The following FBXO32 variants were observed in gnomAD, a reference collection of about 807,000 sequenced individuals.
The protein encoded by FBXO32 is F-box protein 32.
FBXO32 carries 15 observed loss-of-function variants against 48.3 expected under a neutral mutation model. The ratio of observed to expected loss-of-function variants is 0.31; its 90% CI spans 0.21 to 0.48. FBXO32 has a LOEUF of 0.48. Ranked by LOEUF, FBXO32 falls within the 20% of genes least tolerant of loss-of-function variation. The pLI is 0.99. For missense variants in FBXO32, 309 were observed against 432.7 expected, an observed-to-expected ratio of 0.71 and a Z score of 2.54; for synonymous variants, 154 against 165.9, an observed-to-expected ratio of 0.93 and a Z score of 0.55.
rs1284326551 is a variant in FBXO32, at chr8:123,501,962, A to G, written c.*1411T>C. 1 of 152,248 alleles carries G rather than the reference A, an allele frequency of 6.6e-6. No individual in the cohort carries two copies. Among genetic ancestry groups the G allele is most frequent in the African/African-American group, 2.4e-5 (1 of 41,462 alleles). The allele number at this position is 152,248 out of a possible 1,614,324, so 9.4% of individuals were successfully genotyped here. Reference sequence around the variant, plus strand: ...CATCTATTCCCAGGAATATTTTACAACGAACTCATTAGGTCCTGAGATTTC... The same window carrying G: ...CATCTATTCCCAGGAATATTTTACAGCGAACTCATTAGGTCCTGAGATTTC... On this transcript the variant is annotated 3_prime_UTR_variant, in exon 9 of 9. Transcript: ENST00000517956.
In FBXO32 at chr8:123,503,417, C is replaced by T. The variant is rs370398489; in HGVS notation, c.1024G>A (p.Val342Ile). The change falls in exon 9 of 9, where the codon GTT (valine) becomes ATT (isoleucine). Residue 342 changes from valine to isoleucine, a missense_variant. Val to Ile is a conservative substitution (Grantham distance 29). Transcript: ENST00000517956. Reference sequence around the variant, plus strand: ...ATAAAGTCCTGGGGTGAAAGTGAAACGGAGCAGCTCTCTGGGTTATTGGCA... The same window carrying T: ...ATAAAGTCCTGGGGTGAAAGTGAAATGGAGCAGCTCTCTGGGTTATTGGCA... ...CTANNPESCS[V>I]SLSPQDFINL... 4.2e-5 allele frequency: 68 copies of T among 1,614,024 alleles called. No individual in the cohort carries two copies. In the Middle Eastern group the frequency reaches 4.9e-4, roughly 12 times the overall value.
intron 4 of FBXO32, 103 bp from the exon 5 acceptor site, chr8:123,514,436 G>C (rs1179502948): frequency 1.3e-6 from 1 of 756,582 alleles, no homozygotes; most frequent in Non-Finnish European, 2.0e-6. Flanking sequence ...GACTGACGGG[G>C]AGAGATAAAT....
At position 123,506,401 on chromosome 8, in the gene FBXO32, G is replaced by A. The variant is rs762433023; in HGVS notation, c.825C>T (p.Ser275=). The A allele has an allele frequency of 8.1e-6, 13 of 1,613,654 alleles. No individual in the cohort carries two copies. The highest frequency in any genetic ancestry group is 5.3e-5 in the African/African-American group (4 of 74,918). Residue 275 remains serine, a synonymous_variant, in exon 7 of 9, where the codon TCC becomes TCT. Transcript: ENST00000517956. This position sits in a 1 kb window ranked among gnomAD's most constrained non-coding sequence, Gnocchi z 4.0. ...LWKKLCQYHF[S]ERQIRKRLIL... is the part of the protein sequence containing the mutation. Reference sequence around the variant, plus strand: ...ACTGGGCCTTGCTGACCTGCCGCTCGGAGAAGTGGTACTGGCAGAGTTTCT... The same window carrying A: ...ACTGGGCCTTGCTGACCTGCCGCTCAGAGAAGTGGTACTGGCAGAGTTTCT...
At chr8:123,526,271 G>C (rs1817074208) in intron 4 of FBXO32, among the ~76,000 whole-genome samples, 1 of 151,858 alleles carries the variant, frequency 6.6e-6, no homozygotes, top group African/African-American at 2.4e-5. Flanking sequence ...TGTCACCCAG[G>C]CTGGAGTGCA....
rs1008425331 is a variant in FBXO32 at position 123,513,133 on chromosome 8, C to T, written c.651+65G>A. On this transcript the variant is annotated intron_variant, in intron 6 of 8. Coordinates refer to ENST00000517956, the MANE Select transcript of FBXO32 (RefSeq NM_058229.4). The surrounding 1 kb of genome is among the most constrained non-coding windows in gnomAD (Gnocchi z 4.3). ...CACAGGAGTGAATTCAAAGTCTTGG[C>T]GAGTCTGTCCAGTATCCCTGTGGAG... The T allele has an allele frequency of 6.6e-6, 10 of 1,521,788 alleles. No homozygotes were observed. Among genetic ancestry groups the T allele is most frequent in the Non-Finnish European group, 9.1e-6 (10 of 1,102,480 alleles). 94.3% of individuals were successfully genotyped at this position (1,521,788 alleles called of 1,614,324 possible).
In FBXO32 at chr8:123,532,000, A is replaced by C. The variant is rs193126181; in HGVS notation, c.280-10T>G. Reference sequence around the variant, plus strand: ...TGCAATATCCATGGCGCTGAACATGAAAACAAAGGCACAGAAGTTACTCCT... The same window carrying C: ...TGCAATATCCATGGCGCTGAACATGCAAACAAAGGCACAGAAGTTACTCCT... On this transcript the variant is annotated splice_polypyrimidine_tract_variant and intron_variant, in intron 3 of 8. Coordinates refer to ENST00000517956, the MANE Select transcript of FBXO32 (RefSeq NM_058229.4). 3.8e-4 allele frequency: 615 copies of C among 1,613,944 alleles called. 2 individuals carry two copies. The highest frequency in any genetic ancestry group is 2.0e-3 in the Middle Eastern group (12 of 6,058).
intron 8 of FBXO32, 52 bp downstream of exon 8, chr8:123,504,552 G>C (rs1816571603): frequency 1.3e-6 from 2 of 1,536,326 alleles, no homozygotes; most frequent in African/African-American, 2.8e-5. Context: ...GGCACTCTTG[G>C]CTCTTAGGGG....
At chr8:123,526,653 C>T (rs539088318) in intron 4 of FBXO32, among the ~76,000 whole-genome samples, 4 of 152,182 alleles carry the variant, frequency 2.6e-5, no homozygotes, top group Non-Finnish European at 4.4e-5. Flanking sequence ...TACTCCTACT[C>T]AAGACCAGTT....
intron 7 of FBXO32, among the ~76,000 whole-genome samples, chr8:123,505,241 G>GT (rs939693294): frequency 6.6e-6 from 1 of 152,204 alleles, no homozygotes; most frequent in African/African-American, 2.4e-5. Context: ...GCAGCATGAT[G>GT]AAGGGAAACA....
chr8:123,541,123 G>T lies in FBXO32; in HGVS notation c.-109C>A. The T allele has an allele frequency of 1.8e-6, 1 of 554,974 alleles. No individual in the cohort carries two copies. Among genetic ancestry groups the T allele is most frequent in the Non-Finnish European group, 2.8e-6 (1 of 358,492 alleles). The allele number at this position is 554,974 out of a possible 1,614,324, so 34.4% of individuals were successfully genotyped here. ...GGTGCAGGGGCCCGCGACGGGGGCG[G>T]CGGGGCGGCGGGAACGGCGCGGGGC... is the stretch of plus-strand genomic sequence containing the variant. On this transcript the variant is annotated 5_prime_UTR_variant, in exon 1 of 9. Coordinates refer to ENST00000517956, the MANE Select transcript of FBXO32 (RefSeq NM_058229.4).
Position 123,513,483 on chromosome 8 carries a change from G to T in FBXO32, c.467-101C>A, listed in dbSNP as rs183614038. On this transcript the variant is annotated intron_variant, in intron 5 of 8. Transcript: ENST00000517956. The surrounding 1 kb of genome is among the most constrained non-coding windows in gnomAD (Gnocchi z 4.3). ...GTCTGTATTCCACTCATGTTACCCA[G>T]GCACTGCCTCTGGGGATATGGTTTT... is the stretch of plus-strand genomic sequence containing the variant. 1.1e-5 allele frequency: 11 copies of T among 1,003,918 alleles called. No individual in the cohort carries two copies. In the African/African-American group the frequency reaches 1.8e-4, roughly 16 times the overall value. 62.2% of individuals were successfully genotyped at this position (1,003,918 alleles called of 1,614,324 possible). A position where few individuals can be genotyped will look rare whatever the true frequency, so the allele number is the denominator to read the frequency against.
At chr8:123,538,257 TG>T (rs1817347381) in intron 1 of FBXO32, among the ~76,000 whole-genome samples, 2 of 151,842 alleles carry the variant, frequency 1.3e-5, no homozygotes, top group Non-Finnish European at 1.5e-5. Flanking sequence ...GTGTGCTGTG[TG>T]GACAAGACTT....
At chr8:123,515,498 C>T (rs1816822486) in intron 4 of FBXO32, among the ~76,000 whole-genome samples, 2 of 151,644 alleles carry the variant, frequency 1.3e-5, no homozygotes, top group South Asian at 2.1e-4. Context: ...ATCCACCTGC[C>T]TTGGCTTCCC....
chr8:123,517,152 C>T (rs574280080), intron 4 of FBXO32, among the ~76,000 whole-genome samples: 26 of 152,300 alleles, frequency 1.7e-4, no homozygotes, highest in Middle Eastern at 6.8e-3. Context: ...TGCACTGTGA[C>T]TCATCACTGG....
At chr8:123,533,355 C>A in intron 2 of FBXO32, 115 bp from the exon 3 acceptor site, 1 of 791,890 alleles carries the variant, frequency 1.3e-6, no homozygotes. Flanking sequence ...GATAAGGAGT[C>A]TACTGACAAC....
In FBXO32 at chr8:123,501,582, G is replaced by A. The variant is rs1485139819; in HGVS notation, c.*1791C>T. 2 of 152,270 alleles carry A rather than the reference G, an allele frequency of 1.3e-5. No individual in the cohort carries two copies. Among genetic ancestry groups the A allele is most frequent in the East Asian group, 3.9e-4 (2 of 5,182 alleles). The allele number at this position is 152,270 out of a possible 1,614,324, so 9.4% of individuals were successfully genotyped here. A position where few individuals can be genotyped will look rare whatever the true frequency, so the allele number is the denominator to read the frequency against. ...CGTAGCACAAACATTGCAAAGTGAG[G>A]AGCACTAAACAGTAGGTTCCTTCTC... On this transcript the variant is annotated 3_prime_UTR_variant, in exon 9 of 9. Coordinates refer to ENST00000517956, the MANE Select transcript of FBXO32 (RefSeq NM_058229.4).
chr8:123,533,759 G>A (rs554238940), intron 2 of FBXO32, among the ~76,000 whole-genome samples: 2 of 152,280 alleles, frequency 1.3e-5, no homozygotes, highest in African/African-American at 4.8e-5. Flanking sequence ...AGTGAGCCAA[G>A]ATTGTGCCAC....
chr8:123,536,350 C>G (rs1452101897), intron 1 of FBXO32, among the ~76,000 whole-genome samples: 1 of 152,086 alleles, frequency 6.6e-6, no homozygotes, highest in Non-Finnish European at 1.5e-5. Flanking sequence ...GTATTTTGGG[C>G]CAGGCTTTGT....
In FBXO32 at chr8:123,541,107, G is replaced by T; in HGVS notation, c.-93C>A. On this transcript the variant is annotated 5_prime_UTR_variant, in exon 1 of 9. Transcript: ENST00000517956. ...CGGGGCGGATGCTCGGGGTGCAGGG[G>T]CCCGCGACGGGGGCGGCGGGGCGGC... is the stretch of plus-strand genomic sequence containing the variant. 4.2e-6 allele frequency: 3 copies of T among 715,386 alleles called. No individual in the cohort carries two copies. Among genetic ancestry groups the T allele is most frequent in the Non-Finnish European group, 6.1e-6 (3 of 494,634 alleles). 44.3% of individuals were successfully genotyped at this position (715,386 alleles called of 1,614,324 possible). A position where few individuals can be genotyped will look rare whatever the true frequency, so the allele number is the denominator to read the frequency against.
Sources: allele counts gnomAD v4.1 joint callset (sites outside exome capture counted in the v4.1 genomes callset), GRCh38; gene constraint gnomAD v4.1.1; non-coding constraint Gnocchi (gnomAD v3.1); transcripts MANE v1.5; gene names NCBI Gene and HGNC (gene_info 2026-07-23, HGNC 2026-07-21).